RAD18: variants seen among roughly 807,000 people sequenced by gnomAD.
The protein encoded by RAD18 is RAD18 E3 ubiquitin protein ligase, also known as E3 ubiquitin-protein ligase RAD18.
A neutral mutation model predicts 60.4 loss-of-function variants in RAD18; 47 were observed. That is an observed-to-expected ratio of 0.78 (90% CI 0.62 to 0.99). RAD18 has a LOEUF of 0.99. Ranked by LOEUF, RAD18 falls within the 50% of genes least tolerant of loss-of-function variation. The probability of loss-of-function intolerance (pLI) is 0.00; values close to 1 mark genes in which losing one functional copy is unlikely to be tolerated. For synonymous variants in RAD18, 225 were observed against 195.5 expected, an observed-to-expected ratio of 1.15 and a Z score of -1.26; for missense variants, 640 against 593.3, an observed-to-expected ratio of 1.08 and a Z score of -0.82.
At chr3:8,907,402 G>C (rs1324771876) in intron 9 of RAD18, among the ~76,000 whole-genome samples, 4 of 152,142 alleles carry the variant, frequency 2.6e-5, no homozygotes, top group Admixed American at 2.6e-4. Flanking sequence ...CATAAACAAA[G>C]GCTCTTTGGT....
chr3:8,914,674 G>T (rs752933295), intron 7 of RAD18, among the ~76,000 whole-genome samples: 4 of 152,064 alleles, frequency 2.6e-5, no homozygotes, highest in African/African-American at 7.2e-5. Context: ...AAAATCAGTA[G>T]AAACAATGTA....
chr3:8,922,477 T>C (rs538564719), intron 7 of RAD18, among the ~76,000 whole-genome samples: 1 of 152,172 alleles, frequency 6.6e-6, no homozygotes, highest in African/African-American at 2.4e-5. Context: ...CTCTGTAGAC[T>C]CCACCTCTGG....
intron 9 of RAD18, among the ~76,000 whole-genome samples, chr3:8,905,218 T>C (rs1434709735): frequency 4.6e-5 from 7 of 152,226 alleles, no homozygotes; most frequent in Non-Finnish European, 1.0e-4. Flanking sequence ...TGTCCATGAC[T>C]AAGTACACGT....
rs139718392 is a variant in RAD18, at chr3:8,896,775, G to A, written c.1322+2119C>T. Among the ~76,000 whole-genome samples, 45 of 152,232 alleles carry A rather than the reference G, an allele frequency of 3.0e-4. No individual in the cohort carries two copies. In the South Asian group the frequency reaches 8.5e-3, roughly 29 times the overall value. ...ACGCAGGGTGGCTGAAACCCATGGC[G>A]GCATCATCTCTTTATCCTGGCATGC... On this transcript the variant is annotated intron_variant, in intron 11 of 12. Coordinates refer to ENST00000264926, the MANE Select transcript of RAD18 (RefSeq NM_020165.4).
At chr3:8,886,337 T>C (rs1044497178) in intron 12 of RAD18, among the ~76,000 whole-genome samples, 5 of 152,340 alleles carry the variant, frequency 3.3e-5, no homozygotes, top group Admixed American at 2.6e-4. Flanking sequence ...TGACCTCCTG[T>C]GCTGTCATGG....
chr3:8,947,180 G>T (rs778442266), intron 4 of RAD18, 40 bp downstream of exon 4: 4 of 1,473,678 alleles, frequency 2.7e-6, no homozygotes, highest in Non-Finnish European at 3.8e-6. Flanking sequence ...CATATAAAAG[G>T]CAAAAGTAGT....
chr3:8,948,571 C>A lies in RAD18; in HGVS notation c.134-1G>T, dbSNP rs772213570. On this transcript the variant is annotated splice_acceptor_variant, in intron 2 of 12. Transcript: ENST00000264926. LOFTEE classifies it high-confidence loss of function. ...AATTTTCTTATACAGAGAGAGCAGT[C>A]TGCAAAACACAAAGTGCAACATAAT... is the stretch of plus-strand genomic sequence containing the variant. 4 of 1,607,246 alleles carry A rather than the reference C, an allele frequency of 2.5e-6. No individual in the cohort carries two copies. The highest frequency in any genetic ancestry group is 2.2e-5 in the East Asian group (1 of 44,770).
At position 8,948,715 on chromosome 3, in the gene RAD18, T is replaced by C. The variant is rs563728357; in HGVS notation, c.134-145A>G. The C allele has an allele frequency of 5.3e-5, 32 of 609,224 alleles. 1 individual carries two copies. The Admixed American group carries it at 9.6e-4, about 18-fold the overall frequency. The allele number at this position is 609,224 out of a possible 1,614,324, so 37.7% of individuals were successfully genotyped here. A position where few individuals can be genotyped will look rare whatever the true frequency, so the allele number is the denominator to read the frequency against. ...GCTTAAATTTCTAGTACCTCTACTC[T>C]ATGCACACTTACACATGTGATTAAA... On this transcript the variant is annotated intron_variant, in intron 2 of 12. Transcript: ENST00000264926.
intron 10 of RAD18, among the ~76,000 whole-genome samples, chr3:8,899,363 T>C (rs557331947): frequency 2.0e-5 from 3 of 152,294 alleles, no homozygotes; most frequent in South Asian, 4.1e-4. Context: ...GCATATTTCA[T>C]AGATCAGAGA....
rs374224578 is a variant in RAD18 at position 8,941,259 on chromosome 3, G to C, written c.604+208C>G. Among the ~76,000 whole-genome samples, 163 of 152,276 alleles carry C rather than the reference G, an allele frequency of 1.1e-3. 1 individual carries two copies. The highest frequency in any genetic ancestry group is 3.6e-3 in the African/African-American group (150 of 41,562). On this transcript the variant is annotated intron_variant, in intron 5 of 12. Coordinates refer to ENST00000264926, the MANE Select transcript of RAD18 (RefSeq NM_020165.4). The stretch of plus-strand genomic sequence containing the variant: ...CTTGAAGGCTGAACTAATTAAAATT[G>C]TTTCCTTTTTGTAGCAGTCAGCCTG...
chr3:8,953,447 C>T (rs918595751), intron 2 of RAD18, among the ~76,000 whole-genome samples: 2 of 152,100 alleles, frequency 1.3e-5, no homozygotes, highest in Non-Finnish European at 2.9e-5. Context: ...GGCTTAATTT[C>T]ACTCTACTAG....
chr3:8,926,269 C>G (rs571752219), intron 7 of RAD18, among the ~76,000 whole-genome samples: 52 of 152,214 alleles, frequency 3.4e-4, no homozygotes, highest in African/African-American at 1.3e-3. Flanking sequence ...ACACCAATAA[C>G]AGACAGAGAG....
intron 7 of RAD18, among the ~76,000 whole-genome samples, chr3:8,915,744 C>G (rs907291914): frequency 1.3e-5 from 2 of 152,072 alleles, no homozygotes; most frequent in African/African-American, 4.8e-5. Context: ...CCACCACGCT[C>G]AGCTAATTTT....
At chr3:8,904,384 A>G (rs1003421106) in intron 9 of RAD18, among the ~76,000 whole-genome samples, 2 of 152,234 alleles carry the variant, frequency 1.3e-5, no homozygotes, top group African/African-American at 4.8e-5. Flanking sequence ...GAATATTGAC[A>G]GGCACAGCAA....
At chr3:8,936,341 A>C (rs929306217) in intron 6 of RAD18, among the ~76,000 whole-genome samples, 1 of 152,226 alleles carries the variant, frequency 6.6e-6, no homozygotes, top group Non-Finnish European at 1.5e-5. Flanking sequence ...CTTAGAAGAC[A>C]TATATGTAAC....
At position 8,963,427 on chromosome 3, in the gene RAD18, T is replaced by C; in HGVS notation, c.-42A>G. ...GCTGGGGGTCAGCCACCCACTAGCC[T>C]CCGGCGCTCCAACACCACTCGAAAT... On this transcript the variant is annotated 5_prime_UTR_variant, in exon 1 of 13. Transcript: ENST00000264926. 1 of 1,534,490 alleles carries C rather than the reference T, an allele frequency of 6.5e-7. No individual in the cohort carries two copies. The highest frequency in any genetic ancestry group is 8.9e-7 in the Non-Finnish European group (1 of 1,126,884).
chr3:8,910,035 AAGG>A (rs768152955), intron 9 of RAD18, among the ~76,000 whole-genome samples: 6 of 152,164 alleles, frequency 3.9e-5, no homozygotes, highest in Non-Finnish European at 7.4e-5. Context: ...CCAACACAGG[AAGG>A]AGGAGAGCAG....
Position 8,878,034 on chromosome 3 carries a change from G to C in RAD18, c.*3323C>G, listed in dbSNP as rs1442810891. On this transcript the variant is annotated 3_prime_UTR_variant, in exon 13 of 13. Transcript: ENST00000264926. ...TAGCACTTGGCAGGTTTGCATCTTG[G>C]GGCTATATCGGGGATGGCGTCCTAG... 1 of 152,464 alleles carries C rather than the reference G, an allele frequency of 6.6e-6. No homozygotes were observed. Among genetic ancestry groups the C allele is most frequent in the Non-Finnish European group, 1.5e-5 (1 of 68,268 alleles). The allele number at this position is 152,464 out of a possible 1,614,324, so 9.4% of individuals were successfully genotyped here.
intron 7 of RAD18, among the ~76,000 whole-genome samples, chr3:8,925,853 A>T (rs1940423597): frequency 6.6e-6 from 1 of 152,246 alleles, no homozygotes; most frequent in African/African-American, 2.4e-5. Context: ...ATTTGACAAA[A>T]TTCAACAGCC....
Sources: gnomAD v4.1 joint callset for allele counts (sites outside exome capture counted in the v4.1 genomes callset) on GRCh38, gnomAD v4.1.1 for gene constraint, MANE v1.5 for transcripts, NCBI Gene and HGNC (gene_info 2026-07-23, HGNC 2026-07-21) for gene names.